Variants in NOX3 observed in about 807,000 individuals in gnomAD.
NOX3 encodes NADPH oxidase 3, also known as NADPH oxidase catalytic subunit-like 3.
In NOX3, 74 loss-of-function variants were observed where a neutral mutation model predicts 76.7. The observed-to-expected ratio is 0.96, with a 90% CI of 0.80 to 1.17. NOX3 has a LOEUF of 1.17. Ranked by LOEUF, NOX3 falls within the 50% of genes most tolerant of loss-of-function variation. The pLI is 0.00. For missense variants in NOX3, 695 were observed against 703.3 expected (o/e 0.99, Z 0.13); for synonymous variants, 263 against 261.1 (o/e 1.01, Z -0.07).
At chr6:155,447,217 AG>A (rs1189217119) in intron 4 of NOX3, among the ~76,000 whole-genome samples, 19 of 151,972 alleles carry the variant, frequency 1.3e-4, no homozygotes, top group African/African-American at 4.3e-4. Context: ...GCTAATTTTT[AG>A]TAGAGATGGG....
At position 155,450,982 on chromosome 6, in the gene NOX3, AT is replaced by A. The variant is rs111893951; in HGVS notation, c.340+2421del. Among the ~76,000 whole-genome samples, 579 of 147,730 alleles carry A rather than the reference AT, an allele frequency of 3.9e-3. 5 individuals are homozygous for A. The highest frequency in any genetic ancestry group is 0.012 in the African/African-American group (488 of 40,468). ...AATAATCTGCACATCTCATTGAAAA[AT>A]TTTTTTTTTTTTGAGACAGAGTTTT... On this transcript the variant is annotated intron_variant, in intron 4 of 13. Coordinates refer to ENST00000159060, the MANE Select transcript of NOX3 (RefSeq NM_015718.3).
At chr6:155,426,965 A>C (rs1776762347) in intron 9 of NOX3, among the ~76,000 whole-genome samples, 1 of 122,088 alleles carries the variant, frequency 8.2e-6, no homozygotes. Context: ...GGGACCGAGA[A>C]AGCAGTTAGA....
intron 12 of NOX3, among the ~76,000 whole-genome samples, chr6:155,399,107 G>A (rs163000): frequency 0.029 from 4,417 of 152,270 alleles, 98 homozygotes; most frequent in East Asian, 0.084. Context: ...TGGATCAGGC[G>A]AGACCCTTCC....
At chr6:155,407,359 G>C in intron 11 of NOX3, 105 bp from the exon 12 acceptor site, 2 of 1,113,100 alleles carry the variant, frequency 1.8e-6, no homozygotes, top group Non-Finnish European at 2.5e-6. Flanking sequence ...AATTAAAAAT[G>C]TGTACAGGGC....
intron 7 of NOX3, among the ~76,000 whole-genome samples, chr6:155,431,177 G>C (rs771749371): frequency 1.6e-4 from 24 of 152,010 alleles, no homozygotes; most frequent in Admixed American, 2.0e-4. Flanking sequence ...ATGCTTACTT[G>C]ATCAATGATG....
intron 4 of NOX3, among the ~76,000 whole-genome samples, chr6:155,445,934 T>C (rs995715358): frequency 7.7e-5 from 11 of 142,758 alleles, no homozygotes; most frequent in African/African-American, 2.6e-4. Flanking sequence ...ATATATATGC[T>C]ATAGATATAT....
At chr6:155,397,984 A>G (rs1200920858) in intron 12 of NOX3, among the ~76,000 whole-genome samples, 1 of 152,222 alleles carries the variant, frequency 6.6e-6, no homozygotes, top group Non-Finnish European at 1.5e-5. Context: ...CTTAGCCTAC[A>G]TATAAACACC....
chr6:155,407,870 T>C (rs1012301172), intron 11 of NOX3, among the ~76,000 whole-genome samples: 2 of 152,256 alleles, frequency 1.3e-5, no homozygotes, highest in Non-Finnish European at 2.9e-5. Flanking sequence ...ATCATTTGCC[T>C]TGGAATTAAG....
intron 7 of NOX3, among the ~76,000 whole-genome samples, chr6:155,433,369 G>C (rs1169372336): frequency 6.6e-6 from 1 of 152,176 alleles, no homozygotes; most frequent in African/African-American, 2.4e-5. Flanking sequence ...AGACAAGAGA[G>C]AATCAAGACA....
rs376024824 is a variant in NOX3 at position 155,430,835 on chromosome 6, A to G, written c.891+8T>C. The G allele has an allele frequency of 5.5e-5, 87 of 1,591,332 alleles. No individual in the cohort carries two copies. The highest frequency in any genetic ancestry group is 7.4e-5 in the Non-Finnish European group (86 of 1,160,104). On this transcript the variant is annotated splice_region_variant and intron_variant, in intron 8 of 13. Coordinates refer to ENST00000159060, the MANE Select transcript of NOX3 (RefSeq NM_015718.3). ...GGCTTTTATTCAGACATAAAGCTAC[A>G]TGCATACCTTGGTAATGACAACTTC...
Position 155,443,353 on chromosome 6 carries a change from G to A in NOX3, c.406C>T (p.Gln136Ter), listed in dbSNP as rs1221768209. 6.2e-7 allele frequency: 1 copy of A among 1,614,098 alleles called. No individual in the cohort carries two copies. The highest frequency in any genetic ancestry group is 1.1e-5 in the South Asian group (1 of 91,062). Residue 136 changes from glutamine to a stop codon, truncating the protein, a stop_gained, in exon 5 of 14, where the codon CAG becomes TAG. Coordinates refer to ENST00000159060, the MANE Select transcript of NOX3 (RefSeq NM_015718.3). LOFTEE classifies it high-confidence loss of function. ...TTGGAAAGTGCGGCCAGAAGTCCCTGGGCCTCCTCGGACTGGCTCCAGTGG... is the reference window on the plus strand; with the variant it reads ...TTGGAAAGTGCGGCCAGAAGTCCCTAGGCCTCCTCGGACTGGCTCCAGTGG... ...RYHWSQSEEA[Q>*]GLLAALSKLG...
At position 155,440,126 on chromosome 6, in the gene NOX3, A is replaced by G. The variant is rs1776962961; in HGVS notation, c.498T>C (p.Thr166=). 1 of 1,579,396 alleles carries G rather than the reference A, an allele frequency of 6.3e-7. No individual in the cohort carries two copies. Among genetic ancestry groups the G allele is most frequent in the Non-Finnish European group, 8.6e-7 (1 of 1,165,324 alleles). ...PVRTFPTNTT[T]ELLRTIAGVT... is the part of the protein sequence containing the mutation. ...CGCCTGCTATTGTCCTTAGCAATTCAGTGGTTGTGTTCTAAAAAAAACAAC... is the reference window on the plus strand; with the variant it reads ...CGCCTGCTATTGTCCTTAGCAATTCGGTGGTTGTGTTCTAAAAAAAACAAC... Residue 166 remains threonine (T), a synonymous_variant, in exon 6 of 14, where the codon ACT becomes ACC. Transcript: ENST00000159060.
At chr6:155,417,981 G>T (rs1299328805) in intron 10 of NOX3, among the ~76,000 whole-genome samples, 1 of 152,170 alleles carries the variant, frequency 6.6e-6, no homozygotes, top group Non-Finnish European at 1.5e-5. Context: ...GAAGAAATGA[G>T]ATTATCTCAG....
At chr6:155,444,374 T>C (rs1777033746) in intron 4 of NOX3, among the ~76,000 whole-genome samples, 1 of 152,220 alleles carries the variant, frequency 6.6e-6, no homozygotes, top group East Asian at 1.9e-4. Flanking sequence ...GCCCTCTTGG[T>C]TATCAGATCA....
At chr6:155,424,891 CAATT>C (rs1305477685) in intron 9 of NOX3, among the ~76,000 whole-genome samples, 1 of 152,136 alleles carries the variant, frequency 6.6e-6, no homozygotes, top group East Asian at 1.9e-4. Context: ...AAAAAGATGT[CAATT>C]AAATCCCAAG....
At chr6:155,417,927 A>G (rs1294802814) in intron 10 of NOX3, among the ~76,000 whole-genome samples, 1 of 152,194 alleles carries the variant, frequency 6.6e-6, no homozygotes, top group Non-Finnish European at 1.5e-5. Context: ...AATACCCATT[A>G]TCATGGTTAT....
At chr6:155,411,389 T>A in intron 10 of NOX3, 29 bp from the exon 11 acceptor site, 1 of 1,597,792 alleles carries the variant, frequency 6.3e-7, no homozygotes, top group Non-Finnish European at 8.5e-7. Flanking sequence ...AGTGAACGGA[T>A]CTATTCTCTT....
At chr6:155,436,838 A>G (rs1403321983) in intron 6 of NOX3, among the ~76,000 whole-genome samples, 1 of 152,252 alleles carries the variant, frequency 6.6e-6, no homozygotes, top group African/African-American at 2.4e-5. Context: ...TTGTTTGAAC[A>G]CATCCTTTTG....
intron 4 of NOX3, among the ~76,000 whole-genome samples, chr6:155,448,975 T>C (rs1398580191): frequency 6.6e-6 from 1 of 152,172 alleles, no homozygotes; most frequent in Non-Finnish European, 1.5e-5. Context: ...TGGCACCCTG[T>C]GTGTGCCACG....
Sources: allele counts gnomAD v4.1 joint callset (sites outside exome capture counted in the v4.1 genomes callset), GRCh38; gene constraint gnomAD v4.1.1; transcripts MANE v1.5; gene names NCBI Gene and HGNC (gene_info 2026-07-23, HGNC 2026-07-21).